JADE1: variants seen among roughly 807,000 people sequenced by gnomAD.
The protein encoded by JADE1 is protein Jade-1.
JADE1 carries 14 observed loss-of-function variants against 81.8 expected under a neutral mutation model. The ratio of observed to expected loss-of-function variants is 0.17; its 90% confidence interval spans 0.11 to 0.27. JADE1 has a LOEUF of 0.27. Among genes scored for constraint, JADE1 ranks in the 10% least tolerant of loss-of-function variants. The probability of loss-of-function intolerance (pLI) is 1.00; values close to 1 mark genes in which losing one functional copy is unlikely to be tolerated. For missense variants in JADE1, 690 were observed against 1,047.9 expected, an observed-to-expected ratio of 0.66 and a Z score of 4.71; for synonymous variants, 353 against 391.9, an observed-to-expected ratio of 0.90 and a Z score of 1.17.
At chr4:128,812,012 G>A (rs1333919019) in intron 1 of JADE1, 4 of 152,052 alleles carry the variant, frequency 2.6e-5, no homozygotes, top group Non-Finnish European at 5.9e-5. Context: ...GGGACGGCGC[G>A]GCCGTTTCCA....
At chr4:128,854,393 A>G (rs924331859) in intron 6 of JADE1, among the ~76,000 whole-genome samples, 7 of 152,132 alleles carry the variant, frequency 4.6e-5, no homozygotes, top group African/African-American at 1.7e-4. Context: ...CCAGGAAAAA[A>G]ATTTCTTCCT....
intron 2 of JADE1, among the ~76,000 whole-genome samples, chr4:128,841,670 G>A (rs1729443428): frequency 6.6e-6 from 1 of 152,186 alleles, no homozygotes; most frequent in South Asian, 2.1e-4. Flanking sequence ...TCTGGAGCTT[G>A]GGAGGGAGGT....
At chr4:128,818,946 C>T (rs574891014) in intron 1 of JADE1, among the ~76,000 whole-genome samples, 1 of 152,128 alleles carries the variant, frequency 6.6e-6, no homozygotes, top group East Asian at 1.9e-4. Context: ...CCTCCCATCT[C>T]AGCCTCCCCA....
intron 9 of JADE1, chr4:128,864,183 T>A: frequency 5.4e-6 from 5 of 933,104 alleles, no homozygotes; most frequent in Non-Finnish European, 6.4e-6. Flanking sequence ...AGTCTCACTT[T>A]GTTGCCCAGG....
chr4:128,873,370 C>T lies in JADE1; in HGVS notation c.*1108C>T, dbSNP rs993691136. On this transcript the variant is annotated 3_prime_UTR_variant, in exon 11 of 11. Coordinates refer to ENST00000226319, the MANE Select transcript of JADE1 (RefSeq NM_199320.4). ...GAAAGGCAATAAGTTGCGATAAGCT[C>T]TTACTATTGACCAAGGTTATACAGG... The T allele has an allele frequency of 6.6e-6, 1 of 151,988 alleles. No homozygotes were observed. The highest frequency in any genetic ancestry group is 1.5e-5 in the Non-Finnish European group (1 of 68,070). 9.4% of individuals were successfully genotyped at this position (151,988 alleles called of 1,614,324 possible). A position where few individuals can be genotyped will look rare whatever the true frequency, so the allele number is the denominator to read the frequency against.
intron 1 of JADE1, among the ~76,000 whole-genome samples, chr4:128,825,352 T>A (rs985378129): frequency 3.3e-5 from 5 of 152,212 alleles, no homozygotes; most frequent in African/African-American, 1.2e-4. Flanking sequence ...CTTATTCTTT[T>A]GTAAAAGTCC....
chr4:128,857,600 C>T lies in JADE1; in HGVS notation c.981+146C>T, dbSNP rs1730901684. 6 of 659,076 alleles carry T rather than the reference C, an allele frequency of 9.1e-6. 1 individual carries two copies. The South Asian group carries it at 1.1e-4, about 12-fold the overall frequency. 40.8% of individuals were successfully genotyped at this position (659,076 alleles called of 1,614,324 possible). A position where few individuals can be genotyped will look rare whatever the true frequency, so the allele number is the denominator to read the frequency against. On this transcript the variant is annotated intron_variant, in intron 8 of 10. Coordinates refer to ENST00000226319, the MANE Select transcript of JADE1 (RefSeq NM_199320.4). ...CGAGGTTCCCAAGGGGTGACTCCAG[C>T]CCCAGTACACACACCTTTAATAGGC...
intron 2 of JADE1, 38 bp from the exon 3 acceptor site, chr4:128,842,915 A>G (rs369288231): frequency 6.9e-6 from 11 of 1,586,920 alleles, no homozygotes; most frequent in Non-Finnish European, 9.5e-6. Flanking sequence ...GACCCCTGCA[A>G]TTTCTAATGG....
In JADE1 at chr4:128,838,950, A is replaced by G. The variant is rs1340809038; in HGVS notation, c.53-4003A>G. Among the ~76,000 whole-genome samples the G allele has an allele frequency of 5.3e-5, 8 of 152,230 alleles. No individual in the cohort carries two copies. In the East Asian group the frequency reaches 1.4e-3, roughly 26 times the overall value. ...CCACAAATCTATCTTTAAATGTATT[A>G]TTGCTTTATTTTCCTTGAGCTCAAA... On this transcript the variant is annotated intron_variant, in intron 2 of 10. Transcript: ENST00000226319.
chr4:128,827,125 C>G (rs562378601), intron 1 of JADE1, among the ~76,000 whole-genome samples: 1 of 152,266 alleles, frequency 6.6e-6, no homozygotes, highest in African/African-American at 2.4e-5. Flanking sequence ...AAATCTCCAC[C>G]TCTTTTGGAA....
intron 2 of JADE1, among the ~76,000 whole-genome samples, chr4:128,840,687 C>T (rs1384053675): frequency 6.6e-6 from 1 of 152,216 alleles, no homozygotes; most frequent in African/African-American, 2.4e-5. Context: ...TTCCTTTTTT[C>T]CAGTAATGAC....
At chr4:128,810,193 G>C in intron 1 of JADE1, 1 of 152,120 alleles carries the variant, frequency 6.6e-6, no homozygotes, top group Non-Finnish European at 1.5e-5. Flanking sequence ...TGAGCGCAGC[G>C]TTACTATCCC....
intron 5 of JADE1, among the ~76,000 whole-genome samples, chr4:128,850,911 T>C (rs1730296553): frequency 1.3e-5 from 2 of 152,240 alleles, no homozygotes; most frequent in Non-Finnish European, 2.9e-5. Context: ...TAAATATGTT[T>C]GTCTTAGCTG....
chr4:128,831,064 AC>A (rs1728508865), intron 1 of JADE1, among the ~76,000 whole-genome samples: 1 of 152,202 alleles, frequency 6.6e-6, no homozygotes, highest in Non-Finnish European at 1.5e-5. Flanking sequence ...CCACAACGTG[AC>A]CTTGGGGAAG....
chr4:128,844,931 A>G (rs983821554), intron 3 of JADE1, among the ~76,000 whole-genome samples: 1 of 152,212 alleles, frequency 6.6e-6, no homozygotes, highest in Non-Finnish European at 1.5e-5. Flanking sequence ...AAAAACAAAT[A>G]TGGACCTATT....
intron 6 of JADE1, among the ~76,000 whole-genome samples, chr4:128,854,008 T>C (rs1206953438): frequency 6.6e-6 from 1 of 152,250 alleles, no homozygotes; most frequent in African/African-American, 2.4e-5. Flanking sequence ...TGACCAGTGT[T>C]GCTTTTTTGG....
intron 1 of JADE1, among the ~76,000 whole-genome samples, chr4:128,823,301 T>A (rs2125808026): frequency 6.6e-6 from 1 of 152,326 alleles, no homozygotes; most frequent in East Asian, 1.9e-4. Flanking sequence ...TGAGAGCTGC[T>A]TGTGATTCAT....
intron 6 of JADE1, 65 bp downstream of exon 6, chr4:128,852,333 T>A: frequency 2.3e-6 from 3 of 1,324,834 alleles, no homozygotes; most frequent in Non-Finnish European, 3.2e-6. Context: ...TGTGGGAGTG[T>A]ATGCCTGGAG....
intron 1 of JADE1, among the ~76,000 whole-genome samples, chr4:128,821,569 A>C (rs565131283): frequency 7.0e-5 from 10 of 143,046 alleles, no homozygotes; most frequent in African/African-American, 2.6e-4. Context: ...ATCTCGGCTT[A>C]CTGCAACCTC....
Sources: gnomAD v4.1 joint callset for allele counts (sites outside exome capture counted in the v4.1 genomes callset) on GRCh38, gnomAD v4.1.1 for gene constraint, MANE v1.5 for transcripts, NCBI Gene and HGNC (gene_info 2026-07-23, HGNC 2026-07-21) for gene names.